Variants in MED21 observed in about 807,000 individuals in gnomAD.
MED21 encodes mediator complex subunit 21, also known as mediator of RNA polymerase II transcription subunit 21.
In MED21, 9 loss-of-function variants were observed where a neutral mutation model predicts 18.2. That is an observed-to-expected ratio of 0.49 (90% CI 0.30 to 0.86). MED21 has a LOEUF of 0.86. MED21 is among the 40% of genes least tolerant of loss of function. MED21 has a pLI of 0.07. For missense variants in MED21, 150 were observed against 170.9 expected, an observed-to-expected ratio of 0.88 and a Z score of 0.68; for synonymous variants, 73 against 60.5, an observed-to-expected ratio of 1.21 and a Z score of -0.96.
In MED21 at chr12:27,029,642, A is replaced by C; in HGVS notation, c.*1181A>C. On this transcript the variant is annotated 3_prime_UTR_variant, in exon 4 of 4. Transcript: ENST00000282892. ...GTACTATGTTTCAAATTTCAGGAACACCAGCGTTAGCTGTAAAAGTTGCAG... is the reference window on the plus strand; with the variant it reads ...GTACTATGTTTCAAATTTCAGGAACCCCAGCGTTAGCTGTAAAAGTTGCAG... 2.0e-6 allele frequency: 2 copies of C among 985,506 alleles called. No individual in the cohort carries two copies. The highest frequency in any genetic ancestry group is 2.4e-6 in the Non-Finnish European group (2 of 829,950). 61.0% of individuals were successfully genotyped at this position (985,506 alleles called of 1,614,324 possible). A position where few individuals can be genotyped will look rare whatever the true frequency, so the allele number is the denominator to read the frequency against.
At chr12:27,035,553 G>A (rs1478974485), downstream of MED21, among the ~76,000 whole-genome samples, 1 of 147,346 alleles carries the variant, frequency 6.8e-6, no homozygotes, top group Non-Finnish European at 1.5e-5. Flanking sequence ...TCGTCATTTA[G>A]CATTAGGTAT....
intron 1 of MED21, among the ~76,000 whole-genome samples, chr12:27,023,898 G>A (rs966966759): frequency 2.0e-5 from 3 of 152,136 alleles, no homozygotes; most frequent in African/African-American, 7.2e-5. Flanking sequence ...TCATTATCAA[G>A]TGTCATGGAC....
In MED21 at chr12:27,026,545, T is replaced by G. The variant is rs771777089; in HGVS notation, c.157+11T>G. 12 of 1,547,826 alleles carry G rather than the reference T, an allele frequency of 7.8e-6. No homozygotes were observed. The African/African-American group carries it at 1.4e-4, about 18-fold the overall frequency. ...CTAACCCTACAGAAGGTAAACAGGTTTTCTTAGCTTCTCTTAGTTTGACTC... is the reference window on the plus strand; with the variant it reads ...CTAACCCTACAGAAGGTAAACAGGTGTTCTTAGCTTCTCTTAGTTTGACTC... On this transcript the variant is annotated intron_variant, in intron 2 of 3. Transcript: ENST00000282892.
Position 27,028,584 on chromosome 12 carries a change from T to A in MED21, c.*123T>A. The A allele has an allele frequency of 7.5e-7, 1 of 1,340,740 alleles. No homozygotes were observed. Among genetic ancestry groups the A allele is most frequent in the Non-Finnish European group, 9.6e-7 (1 of 1,040,854 alleles). 83.1% of individuals were successfully genotyped at this position (1,340,740 alleles called of 1,614,324 possible). ...ACATTAAACACTATGACACATTACC[T>A]TTTTAGCTATTTTTAATAGTCTTCT... On this transcript the variant is annotated 3_prime_UTR_variant, in exon 4 of 4. Coordinates refer to ENST00000282892, the MANE Select transcript of MED21 (RefSeq NM_004264.5).
downstream of MED21, among the ~76,000 whole-genome samples, chr12:27,031,928 A>G (rs1941622078): frequency 6.6e-6 from 1 of 152,146 alleles, no homozygotes; most frequent in Non-Finnish European, 1.5e-5. Context: ...CCCCACTTGG[A>G]AAGCTGTGTG....
rs1941602255 is a variant in MED21, at chr12:27,030,253, T to C, written c.*1792T>C. The C allele has an allele frequency of 3.3e-6, 2 of 606,570 alleles. No individual in the cohort carries two copies. The highest frequency in any genetic ancestry group is 2.6e-5 in the Admixed American group (1 of 38,942). 37.6% of individuals were successfully genotyped at this position (606,570 alleles called of 1,614,324 possible). A position where few individuals can be genotyped will look rare whatever the true frequency, so the allele number is the denominator to read the frequency against. On this transcript the variant is annotated 3_prime_UTR_variant, in exon 4 of 4. Transcript: ENST00000282892. Reference sequence around the variant, plus strand: ...CAGGTGATCCTCCCACTTCAGCCTCTTCAGTAACTGGGACTACAGGCATGT... The same window carrying C: ...CAGGTGATCCTCCCACTTCAGCCTCCTCAGTAACTGGGACTACAGGCATGT...
chr12:27,033,068 T>A (rs1941630200), downstream of MED21, among the ~76,000 whole-genome samples: 1 of 152,246 alleles, frequency 6.6e-6, no homozygotes, highest in Admixed American at 6.5e-5. Context: ...ATCTTTGAGA[T>A]GCTTGCAGAT....
rs1224617353 is a variant in MED21 at position 27,029,470 on chromosome 12, C to T, written c.*1009C>T. On this transcript the variant is annotated 3_prime_UTR_variant, in exon 4 of 4. Transcript: ENST00000282892. The stretch of plus-strand genomic sequence containing the variant: ...GGTCCACATTTTAACTAGCTATTTC[C>T]TGGGGCTGTATTTTTCAGAATATGC... The T allele has an allele frequency of 1.0e-6, 1 of 985,272 alleles. No homozygotes were observed. Among genetic ancestry groups the T allele is most frequent in the African/African-American group, 1.7e-5 (1 of 57,228 alleles). The allele number at this position is 985,272 out of a possible 1,614,324, so 61.0% of individuals were successfully genotyped here. A position where few individuals can be genotyped will look rare whatever the true frequency, so the allele number is the denominator to read the frequency against.
At chr12:27,022,851 G>C (rs1457704084) in intron 1 of MED21, 2 of 1,451,904 alleles carry the variant, frequency 1.4e-6, no homozygotes, top group East Asian at 2.8e-5. Flanking sequence ...TGAGGAGACC[G>C]GGAAGATCGT....
chr12:27,038,071 C>T (rs1941660763), intron 2 of MED21: 2 of 152,146 alleles, frequency 1.3e-5, no homozygotes, highest in South Asian at 4.1e-4. Context: ...AAGACCACCA[C>T]ATCTACTCAT....
At chr12:27,038,017 A>G (rs187166228) in intron 2 of MED21, 12 of 152,354 alleles carry the variant, frequency 7.9e-5, no homozygotes, top group Non-Finnish European at 1.5e-4. Context: ...TGAAAGATCA[A>G]ACTTGTTCCC....
At chr12:27,022,872 G>T (rs1374675332) in intron 1 of MED21, 3 of 1,418,062 alleles carry the variant, frequency 2.1e-6, no homozygotes, top group Non-Finnish European at 2.8e-6. Context: ...TCTTGTCCGG[G>T]TGAGGCCGCC....
At chr12:27,033,409 T>G (rs890915671), downstream of MED21, among the ~76,000 whole-genome samples, 2 of 152,170 alleles carry the variant, frequency 1.3e-5, no homozygotes. Flanking sequence ...TTTCAAAGGC[T>G]CGACCCATCA....
downstream of MED21, among the ~76,000 whole-genome samples, chr12:27,033,845 C>G (rs532059737): frequency 2.0e-4 from 31 of 152,194 alleles, no homozygotes; most frequent in Admixed American, 1.0e-3. Flanking sequence ...TCGGCCAAGA[C>G]AGCATGTAGG....
intron 3 of MED21, among the ~76,000 whole-genome samples, 192 bp downstream of exon 3, chr12:27,027,639 TAC>T (rs1193998686): frequency 6.6e-6 from 1 of 152,244 alleles, no homozygotes; most frequent in Admixed American, 6.5e-5. Flanking sequence ...AGGCATTTAT[TAC>T]TCACTGTGCA....
chr12:27,036,179 C>G (rs952042019), intron 2 of MED21, among the ~76,000 whole-genome samples: 1 of 152,234 alleles, frequency 6.6e-6, no homozygotes, highest in Non-Finnish European at 1.5e-5. Flanking sequence ...TTGCATTTCT[C>G]TGATGGCCAG....
chr12:27,035,837 A>G (rs1020265280), intron 2 of MED21, among the ~76,000 whole-genome samples: 3 of 151,402 alleles, frequency 2.0e-5, no homozygotes, highest in African/African-American at 7.3e-5. Flanking sequence ...CCAGTCTATC[A>G]TTGTTGGACA....
chr12:27,024,951 A>G (rs1941524391), intron 1 of MED21, among the ~76,000 whole-genome samples: 1 of 152,240 alleles, frequency 6.6e-6, no homozygotes, highest in Non-Finnish European at 1.5e-5. Flanking sequence ...TTATTTGTAT[A>G]ACTTTTAACA....
chr12:27,022,693 A>G (rs746828527), intron 1 of MED21, 72 bp downstream of exon 1: 1 of 1,611,938 alleles, frequency 6.2e-7, no homozygotes, highest in Non-Finnish European at 8.5e-7. Flanking sequence ...AAGGGGCCCA[A>G]GAGGCAAAAC....
Sources: allele counts gnomAD v4.1 joint callset (sites outside exome capture counted in the v4.1 genomes callset), GRCh38; gene constraint gnomAD v4.1.1; transcripts MANE v1.5; gene names NCBI Gene and HGNC (gene_info 2026-07-23, HGNC 2026-07-21).